FAM153A: variants seen among roughly 807,000 people sequenced by gnomAD.
FAM153A encodes family with sequence similarity 153 member A.
In FAM153A, 12 loss-of-function variants were observed where a neutral mutation model predicts 48.1. The ratio of observed to expected loss-of-function variants is 0.25; its 90% CI spans 0.16 to 0.40. The LOEUF is 0.40. Among genes scored for constraint, FAM153A ranks in the 10% least tolerant of loss-of-function variants. The probability of loss-of-function intolerance (pLI) is 1.00; values close to 1 mark genes in which losing one functional copy is unlikely to be tolerated. For missense variants in FAM153A, 111 were observed against 345.8 expected (o/e 0.32, Z 5.38); for synonymous variants, 36 against 118.2 (o/e 0.30, Z 4.51).
At chr5:177,754,605 C>A (rs1206994296), upstream of FAM153A, among the ~76,000 whole-genome samples, 1 of 151,956 alleles carries the variant, frequency 6.6e-6, no homozygotes, top group Non-Finnish European at 1.5e-5. Flanking sequence ...CAGACTGACA[C>A]CTCACATGGC....
chr5:177,778,060 A>G (rs1769368634), intron 1 of FAM153A, among the ~76,000 whole-genome samples: 1 of 17,672 alleles, frequency 5.7e-5, no homozygotes, highest in Non-Finnish European at 9.6e-5. Context: ...GAATTGAACA[A>G]TGAGATCACA....
chr5:177,718,744 CAAT>C (rs1760393948), downstream of FAM153A: 2 of 135,244 alleles, frequency 1.5e-5, 1 homozygote, highest in Non-Finnish European at 3.3e-5. Flanking sequence ...AGTGACTGAA[CAAT>C]AAATAATTTG....
At chr5:177,781,304 A>G (rs1293346994), upstream of FAM153A, among the ~76,000 whole-genome samples, 1 of 136,292 alleles carries the variant, frequency 7.3e-6, no homozygotes, top group Non-Finnish European at 1.5e-5. Context: ...TTTAGTACAG[A>G]CAGGGTTTCA....
intron 24 of FAM153A, chr5:177,717,162 C>T (rs1453541344): frequency 7.1e-6 from 1 of 141,480 alleles, no homozygotes; most frequent in Non-Finnish European, 1.5e-5. Context: ...TCTATACTTA[C>T]TAGTCCCAGG....
chr5:177,702,550 C>T, the FAM153A span, among the ~76,000 whole-genome samples: 1 of 151,892 alleles, frequency 6.6e-6, no homozygotes, highest in Non-Finnish European at 1.5e-5. Flanking sequence ...GTGCCAAGTG[C>T]TAATAGCCAA....
exon 27 of FAM153A, chr5:177,712,075 T>A (rs1323866174): frequency 6.6e-6 from 1 of 151,758 alleles, no homozygotes; most frequent in East Asian, 1.9e-4. Context: ...ATATCTAAAC[T>A]AGACAGAAAA....
At chr5:177,709,125 A>G (rs1321135811), downstream of FAM153A, among the ~76,000 whole-genome samples, 1 of 140,232 alleles carries the variant, frequency 7.1e-6, no homozygotes, top group Non-Finnish European at 1.5e-5. Flanking sequence ...AAAAAAAAAA[A>G]AAAAAAAGAA....
At chr5:177,715,138 A>G (rs1429458575) in intron 25 of FAM153A, among the ~76,000 whole-genome samples, 1 of 150,080 alleles carries the variant, frequency 6.7e-6, no homozygotes, top group African/African-American at 2.5e-5. Context: ...GTCCACATAG[A>G]ACCTCTTATT....
the FAM153A span, among the ~76,000 whole-genome samples, chr5:177,696,668 A>AT: frequency 0.027 from 3,811 of 141,962 alleles, 177 homozygotes; most frequent in African/African-American, 0.084. Context: ...CACTCTCCTG[A>AT]TTTTTTTTTT....
At chr5:177,707,597 G>A (rs1328748601), downstream of FAM153A, among the ~76,000 whole-genome samples, 1 of 151,432 alleles carries the variant, frequency 6.6e-6, no homozygotes, top group African/African-American at 2.4e-5. Flanking sequence ...GACTGGCAGG[G>A]AAAGGTGACG....
chr5:177,711,365 T>A (rs1319544414), exon 27 of FAM153A: 1 of 151,946 alleles, frequency 6.6e-6, no homozygotes, highest in African/African-American at 2.4e-5. Flanking sequence ...AACAGGTATG[T>A]TCAAGTTGTT....
chr5:177,705,582 G>A (rs1040227277), downstream of FAM153A, among the ~76,000 whole-genome samples: 3 of 148,138 alleles, frequency 2.0e-5, no homozygotes, highest in African/African-American at 7.5e-5. Flanking sequence ...ATAATAAAAT[G>A]CTTAGGAATA....
chr5:177,725,675 C>A (rs1487149798), intron 18 of FAM153A, among the ~76,000 whole-genome samples: 1 of 151,210 alleles, frequency 6.6e-6, no homozygotes, highest in Non-Finnish European at 1.5e-5. Flanking sequence ...GGGAGAAGGA[C>A]AAGGCTGCTG....
downstream of FAM153A, among the ~76,000 whole-genome samples, chr5:177,719,466 G>A (rs1760657535): frequency 6.6e-6 from 1 of 150,936 alleles, no homozygotes; most frequent in Non-Finnish European, 1.5e-5. Flanking sequence ...AGAGAAAAAG[G>A]GAGGGAGGAC....
chr5:177,697,412 G>A, the FAM153A span, among the ~76,000 whole-genome samples: 1,710 of 151,480 alleles, frequency 0.011, 55 homozygotes, highest in African/African-American at 0.039. Flanking sequence ...CTCTGATCCC[G>A]ACAATTTCCA....
chr5:177,754,581 C>T (rs1767494660), upstream of FAM153A, among the ~76,000 whole-genome samples: 1 of 151,940 alleles, frequency 6.6e-6, no homozygotes, highest in African/African-American at 2.4e-5. Flanking sequence ...CTGGGAGGCA[C>T]CACCCAGTAG....
chr5:177,755,382 G>A (rs191221226), upstream of FAM153A, among the ~76,000 whole-genome samples: 8,731 of 151,858 alleles, frequency 0.057, 709 homozygotes, highest in African/African-American at 0.18. Flanking sequence ...AAGTGATGGG[G>A]AGAATGGAAC....
At chr5:177,702,368 G>A in the FAM153A span, among the ~76,000 whole-genome samples, 1 of 151,780 alleles carries the variant, frequency 6.6e-6, no homozygotes, top group South Asian at 2.1e-4. Flanking sequence ...TGACCCAGTT[G>A]CTTCTAACAA....
At chr5:177,710,002 C>T (rs1758267544), downstream of FAM153A, among the ~76,000 whole-genome samples, 1 of 143,216 alleles carries the variant, frequency 7.0e-6, no homozygotes, top group Non-Finnish European at 1.5e-5. Context: ...AATTGCCTTC[C>T]AAAATGAAGT....
Sources: gnomAD v4.1 joint callset for allele counts (sites outside exome capture counted in the v4.1 genomes callset) on GRCh38, gnomAD v4.1.1 for gene constraint, MANE v1.5 for transcripts, NCBI Gene and HGNC (gene_info 2026-07-23, HGNC 2026-07-21) for gene names.